SGCD: variants seen among roughly 807,000 people sequenced by gnomAD.
SGCD encodes the protein delta-sarcoglycan.
SGCD carries 18 observed loss-of-function variants against 36.6 expected under a neutral mutation model. The ratio of observed to expected loss-of-function variants is 0.49; its 90% CI spans 0.34 to 0.73. SGCD has a LOEUF of 0.73. SGCD is among the 30% of genes least tolerant of loss of function. The pLI, the probability that SGCD is intolerant of heterozygous loss-of-function variation, is 0.01. For missense variants in SGCD, 387 were observed against 346.7 expected (o/e 1.12, Z -0.92); for synonymous variants, 133 against 130.6 (o/e 1.02, Z -0.12).
At chr5:156,316,493 A>G (rs953054421) in intron 3 of SGCD, among the ~76,000 whole-genome samples, 2 of 151,944 alleles carry the variant, frequency 1.3e-5, no homozygotes, top group Non-Finnish European at 2.9e-5. Flanking sequence ...TCAAATAACT[A>G]AAACAATCTT....
chr5:156,148,459 T>A (rs1406701813), intron 3 of SGCD, among the ~76,000 whole-genome samples: 2 of 152,120 alleles, frequency 1.3e-5, no homozygotes, highest in African/African-American at 4.8e-5. Context: ...ATGGAAGTCT[T>A]CCCCCAACCA....
intron 3 of SGCD, among the ~76,000 whole-genome samples, chr5:156,473,321 A>G (rs760848067): frequency 3.9e-5 from 6 of 152,228 alleles, no homozygotes; most frequent in Non-Finnish European, 8.8e-5. Flanking sequence ...CAACAAAACT[A>G]TCATACGTTG....
chr5:156,440,220 T>C (rs1753424438), intron 3 of SGCD, among the ~76,000 whole-genome samples: 1 of 152,182 alleles, frequency 6.6e-6, no homozygotes, highest in Non-Finnish European at 1.5e-5. Context: ...ATATGTCATA[T>C]AGATGAAATC....
chr5:156,493,074 T>C (rs1756018652), intron 3 of SGCD, among the ~76,000 whole-genome samples: 1 of 152,184 alleles, frequency 6.6e-6, no homozygotes, highest in Admixed American at 6.5e-5. Context: ...TTTGGGTATA[T>C]ACCCAGTAAT....
chr5:156,298,576 C>CTTTTTTTTTTTTT (rs924228753), intron 3 of SGCD, among the ~76,000 whole-genome samples: 96 of 110,430 alleles, frequency 8.7e-4, no homozygotes, highest in Non-Finnish European at 1.2e-3. Context: ...TTTTTCTTTT[C>CTTTTTTTTTTTTT]TTTTTTTTTT....
intron 3 of SGCD, among the ~76,000 whole-genome samples, chr5:156,375,173 AT>A (rs899156441): frequency 6.6e-5 from 10 of 151,338 alleles, no homozygotes; most frequent in Admixed American, 2.6e-4. Flanking sequence ...TCTCCTTCCG[AT>A]TTTTTCCGTC....
At chr5:155,862,707 C>T in the SGCD span, among the ~76,000 whole-genome samples, 2 of 152,158 alleles carry the variant, frequency 1.3e-5, no homozygotes, top group Admixed American at 6.5e-5. Flanking sequence ...TCTCAGTTAA[C>T]GTCCAGCAGT....
chr5:156,461,798 C>T (rs893482184), intron 3 of SGCD, among the ~76,000 whole-genome samples: 1 of 152,104 alleles, frequency 6.6e-6, no homozygotes, highest in Non-Finnish European at 1.5e-5. Flanking sequence ...ACTCATTTGA[C>T]TTTCTTCCTC....
chr5:156,612,293 G>A (rs1761850541), intron 6 of SGCD, among the ~76,000 whole-genome samples: 1 of 152,342 alleles, frequency 6.6e-6, no homozygotes, highest in Admixed American at 6.5e-5. Flanking sequence ...TTTGTTCTGG[G>A]TGGACCCAGT....
chr5:155,874,303 A>C (rs956188013), intron 1 of SGCD, among the ~76,000 whole-genome samples: 1 of 152,194 alleles, frequency 6.6e-6, no homozygotes, highest in Non-Finnish European at 1.5e-5. Flanking sequence ...TAACAGCAGC[A>C]ACAACAGAAA....
At chr5:156,697,199 T>A (rs1011809643) in intron 7 of SGCD, among the ~76,000 whole-genome samples, 16 of 152,128 alleles carry the variant, frequency 1.1e-4, no homozygotes, top group African/African-American at 2.9e-4. Context: ...ATAAATATAA[T>A]GAGTCACTGA....
At chr5:156,515,864 G>A (rs75812960) in intron 4 of SGCD, among the ~76,000 whole-genome samples, 136 of 152,360 alleles carry the variant, frequency 8.9e-4, no homozygotes, top group African/African-American at 3.0e-3. Flanking sequence ...GTTTGGATGG[G>A]AAAGAAGTCC....
chr5:155,890,569 C>G (rs1053358406), intron 1 of SGCD, among the ~76,000 whole-genome samples: 1 of 151,940 alleles, frequency 6.6e-6, no homozygotes, highest in Non-Finnish European at 1.5e-5. Context: ...GATCATGCCA[C>G]TGCACTTCAG....
chr5:156,627,552 G>A (rs954912122), intron 6 of SGCD, among the ~76,000 whole-genome samples: 4 of 152,118 alleles, frequency 2.6e-5, no homozygotes, highest in African/African-American at 9.7e-5. Flanking sequence ...GTATTTTGCT[G>A]TACAGGTTGA....
intron 3 of SGCD, among the ~76,000 whole-genome samples, chr5:156,238,037 C>A (rs1214095252): frequency 3.3e-5 from 5 of 151,686 alleles, no homozygotes; most frequent in African/African-American, 1.2e-4. Flanking sequence ...AACTTTGAAC[C>A]CCCGAGCTCA....
chr5:155,731,929 G>A, the SGCD span, among the ~76,000 whole-genome samples: 6 of 152,264 alleles, frequency 3.9e-5, no homozygotes, highest in South Asian at 6.2e-4. Flanking sequence ...GGATTTCTTC[G>A]TAAGAGATAC....
rs138239550 is a variant in SGCD, at chr5:156,562,064, T to C, written c.295-27167T>C. On this transcript the variant is annotated intron_variant, in intron 4 of 8. Coordinates refer to ENST00000337851, the MANE Select transcript of SGCD (RefSeq NM_000337.6). ...TAAACAAATATTTACTGAACACTTATAATGTACCAGGTACTGTTTTAGCTA... is the reference window on the plus strand; with the variant it reads ...TAAACAAATATTTACTGAACACTTACAATGTACCAGGTACTGTTTTAGCTA... 6.6e-5 allele frequency among the ~76,000 whole-genome samples: 10 copies of C among 152,290 alleles called. No individual in the cohort carries two copies. The East Asian group carries it at 1.9e-3, about 29-fold the overall frequency.
At chr5:156,283,049 C>A (rs1020351552) in intron 3 of SGCD, among the ~76,000 whole-genome samples, 2 of 152,126 alleles carry the variant, frequency 1.3e-5, no homozygotes, top group African/African-American at 2.4e-5. Flanking sequence ...AAAAGGAACA[C>A]TTTTTAGTAC....
intron 3 of SGCD, among the ~76,000 whole-genome samples, chr5:156,356,817 C>T (rs887677821): frequency 7.9e-5 from 12 of 152,088 alleles, no homozygotes; most frequent in African/African-American, 2.9e-4. Context: ...GACAAGTGTC[C>T]TCATAACGAT....
Sources: gnomAD v4.1 joint callset for allele counts (sites outside exome capture counted in the v4.1 genomes callset) on GRCh38, gnomAD v4.1.1 for gene constraint, MANE v1.5 for transcripts, NCBI Gene and HGNC (gene_info 2026-07-23, HGNC 2026-07-21) for gene names.